Variants in AP2M1 observed in about 807,000 individuals in gnomAD.
The protein encoded by AP2M1 is AP-2 complex subunit mu.
A neutral mutation model predicts 54.5 loss-of-function variants in AP2M1; 5 were observed. The observed-to-expected ratio is 0.09, with a 90% CI of 0.05 to 0.19. The LOEUF (loss-of-function observed/expected upper bound fraction) is 0.19. Ranked by LOEUF, AP2M1 falls within the 10% of genes least tolerant of loss-of-function variation. The pLI, the probability that AP2M1 is intolerant of heterozygous loss-of-function variation, is 1.00. For missense variants in AP2M1, 178 were observed against 580.2 expected, an observed-to-expected ratio of 0.31 and a Z score of 7.12; for synonymous variants, 186 against 208.2, an observed-to-expected ratio of 0.89 and a Z score of 0.92.
chr3:184,177,100 C>T, intron 2 of AP2M1, 33 bp downstream of exon 2: 1 of 1,597,546 alleles, frequency 6.3e-7, no homozygotes, highest in Non-Finnish European at 8.6e-7. Context: ...CTGTGCCCCA[C>T]CACTCCAGCC....
At position 184,178,801 on chromosome 3, in the gene AP2M1, T is replaced by C; in HGVS notation, c.75-56T>C. On this transcript the variant is annotated intron_variant, in intron 2 of 11. Coordinates refer to ENST00000292807, the MANE Select transcript of AP2M1 (RefSeq NM_004068.4). The surrounding 1 kb of genome is among the most constrained non-coding windows in gnomAD (Gnocchi z 4.9). ...GCTGTTAGCAGCTGTGGTTGATCCTTATGGGGTAAGGTTCACCTGGGTGCT... is the reference window on the plus strand; with the variant it reads ...GCTGTTAGCAGCTGTGGTTGATCCTCATGGGGTAAGGTTCACCTGGGTGCT... 3 of 1,589,528 alleles carry C rather than the reference T, an allele frequency of 1.9e-6. No homozygotes were observed. The highest frequency in any genetic ancestry group is 2.6e-6 in the Non-Finnish European group (3 of 1,165,110).
rs1485501427 is a variant in AP2M1, at chr3:184,182,580, T to C, written c.1062-177T>C. On this transcript the variant is annotated intron_variant, in intron 10 of 11. Coordinates refer to ENST00000292807, the MANE Select transcript of AP2M1 (RefSeq NM_004068.4). The surrounding 1 kb of genome is among the most constrained non-coding windows in gnomAD (Gnocchi z 5.5). ...GTGTCTAGGCAGAAACTGCATCCTG[T>C]TGTTCTAAAGAAGTAGACCCAAGTT... is the stretch of plus-strand genomic sequence containing the variant. Among the ~76,000 whole-genome samples the C allele has an allele frequency of 6.6e-6, 1 of 152,136 alleles. No homozygotes were observed. Among genetic ancestry groups the C allele is most frequent in the Non-Finnish European group, 1.5e-5 (1 of 68,036 alleles).
Position 184,183,867 on chromosome 3 carries a change from G to T in AP2M1, c.*251G>T. On this transcript the variant is annotated 3_prime_UTR_variant, in exon 12 of 12. Transcript: ENST00000292807. The surrounding 1 kb of genome is among the most constrained non-coding windows in gnomAD (Gnocchi z 5.7). Reference sequence around the variant, plus strand: ...CCTGTCTGTCCTGGCCTAATGCCAGGCTCTGAGTTCTGTGACCAAAGCCAG... The same window carrying T: ...CCTGTCTGTCCTGGCCTAATGCCAGTCTCTGAGTTCTGTGACCAAAGCCAG... 2.3e-6 allele frequency: 1 copy of T among 442,226 alleles called. No homozygotes were observed. The highest frequency in any genetic ancestry group is 2.7e-5 in the South Asian group (1 of 37,564). 27.4% of individuals were successfully genotyped at this position (442,226 alleles called of 1,614,324 possible).
Position 184,183,387 on chromosome 3 carries a change from G to A in AP2M1, c.1174-95G>A. On this transcript the variant is annotated intron_variant, in intron 11 of 11. Coordinates refer to ENST00000292807, the MANE Select transcript of AP2M1 (RefSeq NM_004068.4). This position sits in a 1 kb window ranked among gnomAD's most constrained non-coding sequence, Gnocchi z 5.7. ...CAGGACCCCAGCCATACAAACACCT[G>A]TAGTAGCGATGAAGTAGGGCAGGGC... 6.4e-7 allele frequency: 1 copy of A among 1,563,566 alleles called. No individual in the cohort carries two copies. The highest frequency in any genetic ancestry group is 8.7e-7 in the Non-Finnish European group (1 of 1,150,962).
At position 184,178,555 on chromosome 3, in the gene AP2M1, A is replaced by G. The variant is rs1715163870; in HGVS notation, c.75-302A>G. 6.6e-6 allele frequency among the ~76,000 whole-genome samples: 1 copy of G among 152,252 alleles called. No individual in the cohort carries two copies. Among genetic ancestry groups the G allele is most frequent in the Non-Finnish European group, 1.5e-5 (1 of 68,046 alleles). ...GGAAATTAGGGCCAGCCCTGGGAGTAAGGAATATCTGTCTCTAAACCTGAT... is the reference window on the plus strand; with the variant it reads ...GGAAATTAGGGCCAGCCCTGGGAGTGAGGAATATCTGTCTCTAAACCTGAT... On this transcript the variant is annotated intron_variant, in intron 2 of 11. Transcript: ENST00000292807. The surrounding 1 kb of genome is among the most constrained non-coding windows in gnomAD (Gnocchi z 4.9).
In AP2M1 at chr3:184,181,284, C is replaced by T. The variant is rs978075993; in HGVS notation, c.707+58C>T. ...TGTCCCTTGGAGGGCTCAGTGGGGTCTAGTGAACCACAAGTTTCTTCTGGA... is the reference window on the plus strand; with the variant it reads ...TGTCCCTTGGAGGGCTCAGTGGGGTTTAGTGAACCACAAGTTTCTTCTGGA... On this transcript the variant is annotated intron_variant, in intron 7 of 11. Coordinates refer to ENST00000292807, the MANE Select transcript of AP2M1 (RefSeq NM_004068.4). The surrounding 1 kb of genome is among the most constrained non-coding windows in gnomAD (Gnocchi z 5.7). 1 of 1,600,718 alleles carries T rather than the reference C, an allele frequency of 6.2e-7. No homozygotes were observed. The highest frequency in any genetic ancestry group is 1.3e-5 in the African/African-American group (1 of 74,556).
In AP2M1 at chr3:184,181,308, G is replaced by A. The variant is rs991939940; in HGVS notation, c.707+82G>A. The A allele has an allele frequency of 9.5e-6, 15 of 1,579,370 alleles. No individual in the cohort carries two copies. Among genetic ancestry groups the A allele is most frequent in the Non-Finnish European group, 7.8e-6 (9 of 1,158,440 alleles). On this transcript the variant is annotated intron_variant, in intron 7 of 11. Transcript: ENST00000292807. The surrounding 1 kb of genome is among the most constrained non-coding windows in gnomAD (Gnocchi z 5.7). The stretch of plus-strand genomic sequence containing the variant: ...TCTAGTGAACCACAAGTTTCTTCTG[G>A]ATTTCATTCCCACTGTAATTGCAAA...
chr3:184,175,119 G>A (rs2109027049), intron 1 of AP2M1, 160 bp downstream of exon 1: 1 of 395,870 alleles, frequency 2.5e-6, no homozygotes, highest in East Asian at 3.6e-5. Flanking sequence ...CGGTGGGGCG[G>A]GGGCGCCCGG....
rs1000732874 is a variant in AP2M1, at chr3:184,183,686, C to A, written c.*70C>A. On this transcript the variant is annotated 3_prime_UTR_variant, in exon 12 of 12. Transcript: ENST00000292807. The surrounding 1 kb of genome is among the most constrained non-coding windows in gnomAD (Gnocchi z 5.7). ...CAGGTCCAGGTGCCGCTCCCTCCCC[C>A]ACCACACATCAGTGTCTCCTCCCTC... 2.2e-5 allele frequency: 34 copies of A among 1,530,236 alleles called. No individual in the cohort carries two copies. The African/African-American group carries it at 3.2e-4, about 14-fold the overall frequency. 94.8% of individuals were successfully genotyped at this position (1,530,236 alleles called of 1,614,324 possible). A position where few individuals can be genotyped will look rare whatever the true frequency, so the allele number is the denominator to read the frequency against.
In AP2M1 at chr3:184,174,888, G is replaced by T. The variant is rs944697138; in HGVS notation, c.-115G>T. 1 of 398,540 alleles carries T rather than the reference G, an allele frequency of 2.5e-6. No individual in the cohort carries two copies. Among genetic ancestry groups the T allele is most frequent in the East Asian group, 3.6e-5 (1 of 28,082 alleles). 24.7% of individuals were successfully genotyped at this position (398,540 alleles called of 1,614,324 possible). ...GAAAGCCGAGGCAGCGGGCAGACGA[G>T]CAGGGGGCGGGCGGACATCTTGGGA... On this transcript the variant is annotated 5_prime_UTR_variant, in exon 1 of 12. Transcript: ENST00000292807.
intron 3 of AP2M1, among the ~76,000 whole-genome samples, chr3:184,179,646 T>C (rs887228204): frequency 2.0e-5 from 3 of 149,008 alleles, no homozygotes; most frequent in Middle Eastern, 3.2e-3. Flanking sequence ...ATGTGACTCT[T>C]CTATTGATTT....
In AP2M1 at chr3:184,181,623, G is replaced by A. The variant is rs974810130; in HGVS notation, c.708-73G>A. 2.5e-6 allele frequency: 4 copies of A among 1,575,624 alleles called. No homozygotes were observed. The highest frequency in any genetic ancestry group is 3.5e-6 in the Non-Finnish European group (4 of 1,153,004). ...TTCATAGTCTCTGGTGCCAGCCTGG[G>A]GTGGAGTGGTCTCCCAGCATGACAG... On this transcript the variant is annotated intron_variant, in intron 7 of 11. Coordinates refer to ENST00000292807, the MANE Select transcript of AP2M1 (RefSeq NM_004068.4). This position sits in a 1 kb window ranked among gnomAD's most constrained non-coding sequence, Gnocchi z 5.7.
chr3:184,182,661 TG>T lies in AP2M1; in HGVS notation c.1062-95del. ...CACTTCTCCTTGTTCTGGCACCTCC[TG>T]CAAGCTCCTGGGCTCTCTCCTTGCT... On this transcript the variant is annotated intron_variant, in intron 10 of 11. Coordinates refer to ENST00000292807, the MANE Select transcript of AP2M1 (RefSeq NM_004068.4). This position sits in a 1 kb window ranked among gnomAD's most constrained non-coding sequence, Gnocchi z 5.5. The T allele has an allele frequency of 1.9e-6, 2 of 1,046,422 alleles. No homozygotes were observed. Among genetic ancestry groups the T allele is most frequent in the Admixed American group, 2.2e-5 (1 of 45,484 alleles). The allele number at this position is 1,046,422 out of a possible 1,614,324, so 64.8% of individuals were successfully genotyped here. A position where few individuals can be genotyped will look rare whatever the true frequency, so the allele number is the denominator to read the frequency against.
At chr3:184,179,305 G>T in intron 3 of AP2M1, 183 bp downstream of exon 3, 1 of 730,590 alleles carries the variant, frequency 1.4e-6, no homozygotes, top group Non-Finnish European at 2.2e-6. Context: ...CAGACCTGAA[G>T]GCTGGTCTGA....
intron 1 of AP2M1, 178 bp from the exon 2 acceptor site, chr3:184,176,773 A>G: frequency 3.8e-6 from 2 of 520,664 alleles, no homozygotes; most frequent in Non-Finnish European, 6.8e-6. Context: ...TCTCCCATCT[A>G]GTGTGGAATA....
rs1262844007 is a variant in AP2M1, at chr3:184,178,413, C to G, written c.75-444C>G. On this transcript the variant is annotated intron_variant, in intron 2 of 11. Transcript: ENST00000292807. This position sits in a 1 kb window ranked among gnomAD's most constrained non-coding sequence, Gnocchi z 4.9. Reference sequence around the variant, plus strand: ...ACTTCTGAAGCCATGCTGGCTTTGTCTAACATCTGGAGGAGTCGGCCCTCC... The same window carrying G: ...ACTTCTGAAGCCATGCTGGCTTTGTGTAACATCTGGAGGAGTCGGCCCTCC... Among the ~76,000 whole-genome samples the G allele has an allele frequency of 6.6e-6, 1 of 152,230 alleles. No individual in the cohort carries two copies. The highest frequency in any genetic ancestry group is 1.5e-5 in the Non-Finnish European group (1 of 68,038).
intron 1 of AP2M1, 50 bp downstream of exon 1, chr3:184,175,009 T>A (rs1715014587): frequency 5.0e-6 from 2 of 398,272 alleles, no homozygotes; most frequent in Non-Finnish European, 8.9e-6. Flanking sequence ...CTGCGGGTCG[T>A]CTGCCTCGCC....
Position 184,181,557 on chromosome 3 carries a change from G to A in AP2M1, c.708-139G>A, listed in dbSNP as rs1715274140. ...AGGCTTCCCTCTCATCCCAAGCTCT[G>A]GGGCAGACCTCCGAGTCACAAAGCT... is the stretch of plus-strand genomic sequence containing the variant. On this transcript the variant is annotated intron_variant, in intron 7 of 11. Transcript: ENST00000292807. The surrounding 1 kb of genome is among the most constrained non-coding windows in gnomAD (Gnocchi z 5.7). 15 of 1,229,104 alleles carry A rather than the reference G, an allele frequency of 1.2e-5. No homozygotes were observed. The South Asian group carries it at 2.0e-4, about 16-fold the overall frequency. The allele number at this position is 1,229,104 out of a possible 1,614,324, so 76.1% of individuals were successfully genotyped here. A position where few individuals can be genotyped will look rare whatever the true frequency, so the allele number is the denominator to read the frequency against.
chr3:184,183,436 G>A lies in AP2M1; in HGVS notation c.1174-46G>A, dbSNP rs764790300. Reference sequence around the variant, plus strand: ...GCAACGGGACTTCCCAGAGGAGAGCGGCTGTAAGAGGAAGGCCACATTTCT... The same window carrying A: ...GCAACGGGACTTCCCAGAGGAGAGCAGCTGTAAGAGGAAGGCCACATTTCT... On this transcript the variant is annotated intron_variant, in intron 11 of 11. Coordinates refer to ENST00000292807, the MANE Select transcript of AP2M1 (RefSeq NM_004068.4). This position sits in a 1 kb window ranked among gnomAD's most constrained non-coding sequence, Gnocchi z 5.7. 15 of 1,611,680 alleles carry A rather than the reference G, an allele frequency of 9.3e-6. No homozygotes were observed. The highest frequency in any genetic ancestry group is 4.4e-5 in the South Asian group (4 of 90,916).
Sources: gnomAD v4.1 joint callset for allele counts (sites outside exome capture counted in the v4.1 genomes callset) on GRCh38, gnomAD v4.1.1 for gene constraint, Gnocchi (gnomAD v3.1) non-coding constraint, MANE v1.5 for transcripts, NCBI Gene and HGNC (gene_info 2026-07-23, HGNC 2026-07-21) for gene names.